SCNN1D: variants seen among roughly 807,000 people sequenced by gnomAD.
SCNN1D encodes epithelial sodium channel subunit delta.
A neutral mutation model predicts 87.8 loss-of-function variants in SCNN1D; 104 were observed. The ratio of observed to expected loss-of-function variants is 1.18; its 90% CI spans 1.01 to 1.39. The LOEUF (loss-of-function observed/expected upper bound fraction) is 1.39, where lower values mean the gene tolerates loss of function less well. Ranked by LOEUF, SCNN1D falls within the 40% of genes most tolerant of loss-of-function variation. The probability of loss-of-function intolerance (pLI) is 0.00; values close to 1 mark genes in which losing one functional copy is unlikely to be tolerated. For synonymous variants in SCNN1D, 628 were observed against 481.2 expected, an observed-to-expected ratio of 1.31 and a Z score of -3.99; for missense variants, 1,324 against 1,093.9, an observed-to-expected ratio of 1.21 and a Z score of -2.97.
intron 4 of SCNN1D, 49 bp from the exon 5 acceptor site, chr1:1,283,927 CCT>C: frequency 8.9e-7 from 1 of 1,129,322 alleles, no homozygotes; most frequent in South Asian, 1.7e-5. Context: ...CTGGCTGGGT[CCT>C]CCCTCGCCTG....
intron 4 of SCNN1D, among the ~76,000 whole-genome samples, chr1:1,283,155 G>A (rs1640504104): frequency 6.6e-6 from 1 of 152,182 alleles, no homozygotes; most frequent in Admixed American, 6.6e-5. Context: ...TGGTGTGGTT[G>A]GTGGCAGCTA....
chr1:1,281,987 A>G (rs535433510), intron 3 of SCNN1D: 2 of 582,168 alleles, frequency 3.4e-6, no homozygotes, highest in East Asian at 5.9e-5. Context: ...CGCCCGGGCC[A>G]TGTGTGCCCT....
Position 1,287,549 on chromosome 1 carries a change from A to G in SCNN1D, c.1352A>G (p.Tyr451Cys), listed in dbSNP as rs1640624270. ...CACCACCCCACCTACGGCAGCTGCT[A>G]CACGGTCGATGGCGTCTGGACAGCT... is the stretch of plus-strand genomic sequence containing the variant. ...TFHHPTYGSC[Y>C]TVDGVWTAQR... Residue 451 changes from tyrosine to cysteine, a missense_variant, in exon 10 of 18, where the codon TAC becomes TGC. Coordinates refer to ENST00000379116, the MANE Select transcript of SCNN1D (RefSeq NM_001130413.4). The G allele has an allele frequency of 6.5e-7, 1 of 1,547,038 alleles. No individual in the cohort carries two copies. Among genetic ancestry groups the G allele is most frequent in the Non-Finnish European group, 8.7e-7 (1 of 1,143,862 alleles).
In SCNN1D at chr1:1,291,145, G is replaced by A. The variant is rs1206536362; in HGVS notation, c.2052+5G>A. 2 of 1,611,146 alleles carry A rather than the reference G, an allele frequency of 1.2e-6. No individual in the cohort carries two copies. Among genetic ancestry groups the A allele is most frequent in the Admixed American group, 1.7e-5 (1 of 59,874 alleles). On this transcript the variant is annotated splice_donor_5th_base_variant and intron_variant, in intron 17 of 17. Transcript: ENST00000379116. ...GAGGAGGCGCCCGTGTACTCGGTGA[G>A]CCTTGGCCCCCTGCCTGGGCTAGAG...
In SCNN1D at chr1:1,290,384, C is replaced by T. The variant is rs368547387; in HGVS notation, c.1776C>T (p.Ala592=). Residue 592 remains alanine (A), a synonymous_variant, in exon 13 of 18, where the codon GCC becomes GCT. Coordinates refer to ENST00000379116, the MANE Select transcript of SCNN1D (RefSeq NM_001130413.4). ...ACTGCAGCTCTGCCCGGCACCCTGC[C>T]TGGGGTGAGTCCTGCTCGCTGCCTC... The part of the protein sequence containing the change: ...AEYCSSARHP[A]WGHCFYRLYQ... 45 of 1,603,708 alleles carry T rather than the reference C, an allele frequency of 2.8e-5. No individual in the cohort carries two copies. The highest frequency in any genetic ancestry group is 3.7e-5 in the Non-Finnish European group (43 of 1,174,190).
chr1:1,283,456 C>T lies in SCNN1D; in HGVS notation c.352-522C>T, dbSNP rs780245180. Among the ~76,000 whole-genome samples, 10 of 152,166 alleles carry T rather than the reference C, an allele frequency of 6.6e-5. No individual in the cohort carries two copies. In the East Asian group the frequency reaches 7.7e-4, roughly 12 times the overall value. The stretch of plus-strand genomic sequence containing the variant: ...GCTCACGCCTGTAATCCTAGCACTT[C>T]GGGAGGCTAAGGCGGGCGGATCACC... On this transcript the variant is annotated intron_variant, in intron 4 of 17. Transcript: ENST00000379116.
intron 7 of SCNN1D, 137 bp from the exon 8 acceptor site, chr1:1,286,631 C>T (rs1321339572): frequency 2.4e-6 from 2 of 843,172 alleles, no homozygotes; most frequent in Admixed American, 2.7e-5. Context: ...GCCTCCAACT[C>T]CAGCTCTGGG....
intron 3 of SCNN1D, 172 bp from the exon 4 acceptor site, chr1:1,282,070 G>A (rs544070953): frequency 4.7e-5 from 29 of 615,076 alleles, no homozygotes; most frequent in African/African-American, 3.9e-4. Context: ...GGCCTGTGCT[G>A]TGTCCGGGGG....
chr1:1,282,147 C>T (rs528299330), intron 3 of SCNN1D, 95 bp from the exon 4 acceptor site: 9 of 769,332 alleles, frequency 1.2e-5, no homozygotes, highest in Middle Eastern at 2.3e-4. Flanking sequence ...TGGAGAGGCA[C>T]CCCAGCCCCA....
In SCNN1D at chr1:1,283,979, A is replaced by AG; in HGVS notation, c.355dup (p.Ala119GlyfsTer154). ...GCCCAGCCAGCCTGTTTTAAATAGG[A>AG]GGCCAGAGGCTCCATCCTGCTTCAG... On this transcript the variant is annotated frameshift_variant and splice_region_variant, in exon 5 of 18. Coordinates refer to ENST00000379116, the MANE Select transcript of SCNN1D (RefSeq NM_001130413.4). LOFTEE classifies it high-confidence loss of function. The AG allele has an allele frequency of 6.9e-7, 1 of 1,453,796 alleles. No homozygotes were observed. Among genetic ancestry groups the AG allele is most frequent in the Non-Finnish European group, 9.0e-7 (1 of 1,105,656 alleles). The allele number at this position is 1,453,796 out of a possible 1,614,324, so 90.1% of individuals were successfully genotyped here. A position where few individuals can be genotyped will look rare whatever the true frequency, so the allele number is the denominator to read the frequency against.
chr1:1,290,823 C>T (rs548663352), intron 15 of SCNN1D, 72 bp from the exon 16 acceptor site: 978 of 1,585,994 alleles, frequency 6.2e-4, no homozygotes, highest in Non-Finnish European at 8.0e-4. Context: ...TCTGCCCCCA[C>T]ATCCGCCCGT....
At chr1:1,282,076 G>C (rs190246452) in intron 3 of SCNN1D, 166 bp from the exon 4 acceptor site, 4 of 614,554 alleles carry the variant, frequency 6.5e-6, no homozygotes, top group South Asian at 1.9e-5. Context: ...TGCTGTGTCC[G>C]GGGGCCCTGC....
Position 1,290,272 on chromosome 1 carries a change from C to A in SCNN1D, c.1664C>A (p.Ala555Asp), listed in dbSNP as rs777742392. 6.4e-7 allele frequency: 1 copy of A among 1,561,724 alleles called. No individual in the cohort carries two copies. ...LLHNTSYTRQ[A>D]CLVSCFQQLM... The stretch of plus-strand genomic sequence containing the variant: ...CCTGCTCATCCCCCCTGTCCCCAGG[C>A]CTGCCTGGTGTCCTGCTTCCAGCAG... The change falls in exon 13 of 18, where the codon GCC (alanine) becomes GAC (aspartate). Residue 555 changes from alanine (A) to aspartate (D), a missense_variant and splice_region_variant. Physicochemically the swap from Ala to Asp is moderately radical, Grantham distance 126 (BLOSUM62 -2). Transcript: ENST00000379116.
intron 4 of SCNN1D, among the ~76,000 whole-genome samples, chr1:1,283,395 G>T (rs1240837225): frequency 1.3e-5 from 2 of 152,140 alleles, no homozygotes; most frequent in Non-Finnish European, 2.9e-5. Context: ...CCAGGAGCTG[G>T]CAGAGAAAGA....
rs760061028 is a variant in SCNN1D, at chr1:1,290,363, C to T, written c.1755C>T (p.Cys585=). The change falls in exon 13 of 18, where the codon TGC becomes TGT. Residue 585 remains cysteine (C), a synonymous_variant. Transcript: ENST00000379116. ...CTCTGCCGGCGGGGGCTGAGTACTG[C>T]AGCTCTGCCCGGCACCCTGCCTGGG... ...LHPLPAGAEY[C]SSARHPAWGH... The T allele has an allele frequency of 1.3e-6, 2 of 1,599,436 alleles. No individual in the cohort carries two copies. Among genetic ancestry groups the T allele is most frequent in the Admixed American group, 1.7e-5 (1 of 59,388 alleles).
chr1:1,286,756 C>T lies in SCNN1D; in HGVS notation c.912-12C>T, dbSNP rs1640600264. On this transcript the variant is annotated splice_polypyrimidine_tract_variant and intron_variant, in intron 7 of 17. Transcript: ENST00000379116. ...GGGCCGGCAACTCTGACTCCAGGGC[C>T]CTGCGTCCCAGGCCGAGTCCGGTCC... The T allele has an allele frequency of 1.2e-6, 2 of 1,611,238 alleles. No homozygotes were observed. Among genetic ancestry groups the T allele is most frequent in the Admixed American group, 3.3e-5 (2 of 59,926 alleles).
At chr1:1,283,934 C>T (rs540149573) in intron 4 of SCNN1D, 44 bp from the exon 5 acceptor site, 29 of 1,222,148 alleles carry the variant, frequency 2.4e-5, no homozygotes, top group African/African-American at 4.9e-5. Flanking sequence ...GGTCCTCCCT[C>T]GCCTGCAGCA....
intron 5 of SCNN1D, among the ~76,000 whole-genome samples, chr1:1,284,491 T>G (rs1160199173): frequency 6.6e-6 from 1 of 150,824 alleles, no homozygotes; most frequent in African/African-American, 2.5e-5. Context: ...TGTGTCCCAT[T>G]GCGGGTACAT....
At chr1:1,284,693 GAGAACACTGC>G (rs1274908910) in intron 5 of SCNN1D, among the ~76,000 whole-genome samples, 1 of 152,060 alleles carries the variant, frequency 6.6e-6, no homozygotes, top group East Asian at 1.9e-4. Flanking sequence ...CAGACCCCGG[GAGAACACTGC>G]AGATACTGCG....
Sources: allele counts gnomAD v4.1 joint callset (sites outside exome capture counted in the v4.1 genomes callset), GRCh38; gene constraint gnomAD v4.1.1; transcripts MANE v1.5; gene names NCBI Gene and HGNC (gene_info 2026-07-23, HGNC 2026-07-21).